ERC2: variants seen among roughly 807,000 people sequenced by gnomAD.
ERC2 encodes ELKS/RAB6-interacting/CAST family member 2.
ERC2 carries 42 observed loss-of-function variants against 114.8 expected under a neutral mutation model. That is an observed-to-expected ratio of 0.37 (90% CI 0.29 to 0.47). The LOEUF (loss-of-function observed/expected upper bound fraction) is 0.47, where lower values mean the gene tolerates loss of function less well. Among genes scored for constraint, ERC2 ranks in the 20% least tolerant of loss-of-function variants. ERC2 has a pLI of 0.99. For synonymous variants in ERC2, 454 were observed against 425.5 expected (o/e 1.07, Z -0.82); for missense variants, 939 against 1,150.7 (o/e 0.82, Z 2.66).
chr3:56,003,304 G>A (rs1167147501), intron 10 of ERC2, among the ~76,000 whole-genome samples: 2 of 152,120 alleles, frequency 1.3e-5, no homozygotes. Context: ...AGATGCTCTA[G>A]GGAAATACAA....
chr3:56,222,556 TG>T (rs2049983116), intron 3 of ERC2, among the ~76,000 whole-genome samples: 1 of 152,162 alleles, frequency 6.6e-6, no homozygotes, highest in Admixed American at 6.6e-5. Context: ...TGCGTACCAC[TG>T]CCCAAAATTT....
At chr3:56,171,688 A>T (rs1379692113) in intron 4 of ERC2, among the ~76,000 whole-genome samples, 1 of 152,066 alleles carries the variant, frequency 6.6e-6, no homozygotes, top group Non-Finnish European at 1.5e-5. Flanking sequence ...CATAATGCTA[A>T]AAACAACAAA....
intron 17 of ERC2, among the ~76,000 whole-genome samples, chr3:55,548,391 A>T (rs2054909557): frequency 6.6e-6 from 1 of 152,254 alleles, no homozygotes; most frequent in African/African-American, 2.4e-5. Context: ...CAGGAGATGT[A>T]AATAGTGTGG....
chr3:55,777,655 A>G (rs1160080204), intron 14 of ERC2, among the ~76,000 whole-genome samples: 1 of 152,212 alleles, frequency 6.6e-6, no homozygotes, highest in African/African-American at 2.4e-5. Context: ...TAAATTTCCT[A>G]CTGGCATGAA....
intron 4 of ERC2, among the ~76,000 whole-genome samples, chr3:56,171,838 T>G (rs1258123867): frequency 7.6e-6 from 1 of 131,410 alleles, no homozygotes; most frequent in Non-Finnish European, 1.6e-5. Flanking sequence ...CCTTGGAAAC[T>G]CGCTCTTTTT....
chr3:56,439,488 T>C (rs2062186080), intron 1 of ERC2, among the ~76,000 whole-genome samples: 1 of 152,188 alleles, frequency 6.6e-6, no homozygotes, highest in Admixed American at 6.5e-5. Context: ...TAGTTGTTTA[T>C]TATCTTTTCA....
intron 3 of ERC2, among the ~76,000 whole-genome samples, chr3:56,269,610 G>A (rs1205740299): frequency 5.3e-5 from 8 of 152,136 alleles, no homozygotes; most frequent in Admixed American, 4.6e-4. Context: ...ACCAAAAGTG[G>A]ACATTAAAAG....
intron 14 of ERC2, among the ~76,000 whole-genome samples, chr3:55,821,592 C>A (rs2060126501): frequency 1.3e-5 from 2 of 152,190 alleles, no homozygotes; most frequent in South Asian, 4.1e-4. Context: ...GAGAGAACAC[C>A]AGGACCAAAA....
At chr3:56,336,783 C>G (rs544763843) in intron 2 of ERC2, among the ~76,000 whole-genome samples, 83 of 151,992 alleles carry the variant, frequency 5.5e-4, no homozygotes, top group Non-Finnish European at 1.1e-3. Context: ...GGGGATAGAG[C>G]GAGACTCTGT....
chr3:56,003,983 G>A (rs1159386262), intron 10 of ERC2, among the ~76,000 whole-genome samples: 1 of 152,106 alleles, frequency 6.6e-6, no homozygotes, highest in Admixed American at 6.6e-5. Context: ...GTGAAATATT[G>A]TAGAAACTGT....
intron 17 of ERC2, among the ~76,000 whole-genome samples, chr3:55,670,141 A>G (rs1170618526): frequency 2.6e-5 from 4 of 152,252 alleles, no homozygotes; most frequent in African/African-American, 9.6e-5. Flanking sequence ...CATTTTCCAG[A>G]TGAGGACATT....
intron 2 of ERC2, among the ~76,000 whole-genome samples, chr3:56,365,015 T>C (rs2059097676): frequency 6.6e-6 from 1 of 152,236 alleles, no homozygotes; most frequent in Admixed American, 6.5e-5. Context: ...GGGATAATAA[T>C]GTTATTTACT....
intron 4 of ERC2, among the ~76,000 whole-genome samples, chr3:56,165,804 T>G (rs1280016518): frequency 6.6e-6 from 1 of 152,038 alleles, no homozygotes; most frequent in Non-Finnish European, 1.5e-5. Context: ...CTAAATTTAT[T>G]TACTAATCTA....
At chr3:55,514,225 C>A (rs62249157) in intron 17 of ERC2, among the ~76,000 whole-genome samples, 1 of 152,042 alleles carries the variant, frequency 6.6e-6, no homozygotes, top group Non-Finnish European at 1.5e-5. Flanking sequence ...GGCAAAAACC[C>A]GTCTCCACAA....
intron 7 of ERC2, among the ~76,000 whole-genome samples, chr3:56,032,913 A>AGAGAGAGAC (rs1560056241): frequency 5.2e-4 from 36 of 68,698 alleles, no homozygotes; most frequent in Non-Finnish European, 7.9e-4. Context: ...GAAAGAAAGA[A>AGAGAGAGAC]AGAAAGAAAG....
intron 3 of ERC2, among the ~76,000 whole-genome samples, chr3:56,270,967 G>A (rs1274028537): frequency 6.6e-6 from 1 of 152,160 alleles, no homozygotes; most frequent in East Asian, 1.9e-4. Flanking sequence ...GGGAAACAGA[G>A]CAAGACTCCA....
chr3:55,675,395 T>A (rs116760280), intron 17 of ERC2, among the ~76,000 whole-genome samples: 1,585 of 152,290 alleles, frequency 0.01, 23 homozygotes, highest in African/African-American at 0.037. Context: ...GGGGGAGGCC[T>A]GAGGACAGAG....
intron 16 of ERC2, among the ~76,000 whole-genome samples, chr3:55,697,948 G>A (rs2063021534): frequency 1.3e-5 from 2 of 152,046 alleles, no homozygotes; most frequent in South Asian, 4.2e-4. Context: ...CAGGATGCCA[G>A]GTCTACTGGA....
intron 14 of ERC2, among the ~76,000 whole-genome samples, chr3:55,879,084 T>TG (rs1436187594): frequency 1.4e-5 from 1 of 72,038 alleles, no homozygotes; most frequent in African/African-American, 5.0e-5. Flanking sequence ...CTTTTCTTTT[T>TG]TTTTCTTTTT....
Sources: gnomAD v4.1 joint callset for allele counts (sites outside exome capture counted in the v4.1 genomes callset) on GRCh38, gnomAD v4.1.1 for gene constraint, MANE v1.5 for transcripts, NCBI Gene and HGNC (gene_info 2026-07-23, HGNC 2026-07-21) for gene names.